POU6F2: variants seen among roughly 807,000 people sequenced by gnomAD.
POU6F2 encodes the protein POU class 6 homeobox 2.
Under a neutral mutation model 71.3 loss-of-function variants are expected in POU6F2, and 31 were observed. The ratio of observed to expected loss-of-function variants is 0.43; its 90% CI spans 0.33 to 0.59. The LOEUF (loss-of-function observed/expected upper bound fraction) is 0.59, where lower values mean the gene tolerates loss of function less well. POU6F2 is among the 20% of genes least tolerant of loss of function. The pLI, the probability that POU6F2 is intolerant of heterozygous loss-of-function variation, is 0.04. For synonymous variants in POU6F2, 347 were observed against 355.7 expected (o/e 0.98, Z 0.27); for missense variants, 783 against 856.8 (o/e 0.91, Z 1.07).
chr7:39,068,183 T>C (rs577446771), intron 1 of POU6F2, among the ~76,000 whole-genome samples: 1 of 152,296 alleles, frequency 6.6e-6, no homozygotes, highest in South Asian at 2.1e-4. Context: ...TAGTTCTTTT[T>C]ATAGCATACA....
chr7:39,076,611 T>C (rs1356611132), intron 1 of POU6F2, among the ~76,000 whole-genome samples: 1 of 152,070 alleles, frequency 6.6e-6, no homozygotes, highest in African/African-American at 2.4e-5. Context: ...ATTGCCAATA[T>C]GCAATATGGG....
intron 4 of POU6F2, among the ~76,000 whole-genome samples, chr7:39,260,829 CACAG>C (rs1359220121): frequency 1.3e-5 from 2 of 151,774 alleles, no homozygotes; most frequent in African/African-American, 4.8e-5. Context: ...TTACACATAC[CACAG>C]ACACACACAA....
chr7:39,156,215 C>T (rs1441873919), intron 2 of POU6F2, among the ~76,000 whole-genome samples: 1 of 152,132 alleles, frequency 6.6e-6, no homozygotes, highest in Non-Finnish European at 1.5e-5. Flanking sequence ...TAGTGGATTA[C>T]AGTATGATCG....
At chr7:39,461,216 A>C (rs1260818841) in intron 9 of POU6F2, among the ~76,000 whole-genome samples, 2 of 152,240 alleles carry the variant, frequency 1.3e-5, no homozygotes, top group African/African-American at 2.4e-5. Context: ...CAGCTTTAAA[A>C]GCACATTTAT....
intron 1 of POU6F2, among the ~76,000 whole-genome samples, chr7:39,065,320 G>C (rs1790734576): frequency 6.6e-6 from 1 of 151,396 alleles, no homozygotes; most frequent in Non-Finnish European, 1.5e-5. Context: ...TCACAGGATG[G>C]GCTATTTATT....
chr7:39,008,383 T>A (rs1488027312), intron 1 of POU6F2, among the ~76,000 whole-genome samples: 1 of 152,178 alleles, frequency 6.6e-6, no homozygotes, highest in Non-Finnish European at 1.5e-5. Context: ...TGTTTTTTCT[T>A]GTAAATTTGT....
In POU6F2 at chr7:39,465,414, G is replaced by A. The variant is rs1454180541; in HGVS notation, c.*728G>A. On this transcript the variant is annotated 3_prime_UTR_variant, in exon 10 of 10. Coordinates refer to ENST00000518318, the MANE Select transcript of POU6F2 (RefSeq NM_001370959.1). Reference sequence around the variant, plus strand: ...GAGGCTCACTATTGGGTTTTTTTGTGGGGGTGGTAGGGAGGGTGGTCTTTT... The same window carrying A: ...GAGGCTCACTATTGGGTTTTTTTGTAGGGGTGGTAGGGAGGGTGGTCTTTT... 6.6e-6 allele frequency: 1 copy of A among 152,122 alleles called. No homozygotes were observed. The highest frequency in any genetic ancestry group is 1.5e-5 in the Non-Finnish European group (1 of 68,046). 9.4% of individuals were successfully genotyped at this position (152,122 alleles called of 1,614,324 possible). A position where few individuals can be genotyped will look rare whatever the true frequency, so the allele number is the denominator to read the frequency against.
intron 4 of POU6F2, among the ~76,000 whole-genome samples, chr7:39,275,640 G>T (rs2128757985): frequency 6.6e-6 from 1 of 152,306 alleles, no homozygotes; most frequent in Middle Eastern, 3.4e-3. Context: ...CGTGCTACCT[G>T]ACTTCAAACT....
chr7:39,016,211 G>T (rs1789544914), intron 1 of POU6F2, among the ~76,000 whole-genome samples: 1 of 139,030 alleles, frequency 7.2e-6, no homozygotes, highest in African/African-American at 2.7e-5. Flanking sequence ...ATGTATATAA[G>T]ATTACCTATA....
chr7:39,325,107 T>C (rs529819926), intron 4 of POU6F2, among the ~76,000 whole-genome samples: 2 of 152,352 alleles, frequency 1.3e-5, no homozygotes, highest in Admixed American at 6.5e-5. Flanking sequence ...CATTTTGCTA[T>C]ACAATTAAAA....
intron 6 of POU6F2, among the ~76,000 whole-genome samples, chr7:39,430,694 G>C (rs539336663): frequency 2.0e-5 from 3 of 152,284 alleles, no homozygotes; most frequent in Admixed American, 1.3e-4. Context: ...GTCATGTGCT[G>C]TGCTCACCCT....
At chr7:39,328,229 T>A (rs556590827) in intron 4 of POU6F2, among the ~76,000 whole-genome samples, 2 of 152,344 alleles carry the variant, frequency 1.3e-5, no homozygotes, top group South Asian at 4.1e-4. Flanking sequence ...GAATCGGGTT[T>A]CTTTAATGCT....
rs868732549 is a variant in POU6F2, at chr7:39,232,011, A to G, written c.598+24391A>G. 2.6e-5 allele frequency among the ~76,000 whole-genome samples: 4 copies of G among 152,188 alleles called. 1 individual carries two copies. Among genetic ancestry groups the G allele is most frequent in the South Asian group, 4.1e-4 (2 of 4,838 alleles). ...ATAAGCCATTTCAAAACAAGTACAA[A>G]TTATTTTCAAGAAACAGTTGTAAAA... On this transcript the variant is annotated intron_variant, in intron 4 of 9. Transcript: ENST00000518318.
At chr7:39,249,020 A>G (rs997356326) in intron 4 of POU6F2, among the ~76,000 whole-genome samples, 1 of 152,156 alleles carries the variant, frequency 6.6e-6, no homozygotes, top group Non-Finnish European at 1.5e-5. Flanking sequence ...ATTTTAGCCC[A>G]TGAATTTTTT....
chr7:39,092,231 C>G lies in POU6F2; in HGVS notation c.277+6200C>G, dbSNP rs550166755. ...GGTTAATAAATTTTTAAAAAATATC[C>G]AAAGGCAGAGGTAGCTAGAGAAAGC... On this transcript the variant is annotated intron_variant, in intron 2 of 9. Coordinates refer to ENST00000518318, the MANE Select transcript of POU6F2 (RefSeq NM_001370959.1). Among the ~76,000 whole-genome samples, 5 of 152,190 alleles carry G rather than the reference C, an allele frequency of 3.3e-5. No homozygotes were observed. The South Asian group carries it at 8.3e-4, about 25-fold the overall frequency.
chr7:39,147,047 A>G (rs1247296329), intron 2 of POU6F2, among the ~76,000 whole-genome samples: 3 of 152,218 alleles, frequency 2.0e-5, no homozygotes, highest in African/African-American at 7.2e-5. Flanking sequence ...TTGCATATAC[A>G]CATAGAAAAA....
chr7:39,183,177 T>G (rs1243297592), intron 2 of POU6F2, among the ~76,000 whole-genome samples: 1 of 152,206 alleles, frequency 6.6e-6, no homozygotes, highest in Non-Finnish European at 1.5e-5. Flanking sequence ...GGATCTAGGC[T>G]GTGCACTCCT....
intron 1 of POU6F2, among the ~76,000 whole-genome samples, chr7:39,066,495 A>T (rs919626990): frequency 6.6e-6 from 1 of 151,824 alleles, no homozygotes; most frequent in East Asian, 1.9e-4. Flanking sequence ...TAGCTTTTCT[A>T]TATAAGAGCA....
chr7:39,088,346 C>T (rs73373264), intron 2 of POU6F2, among the ~76,000 whole-genome samples: 5,790 of 152,220 alleles, frequency 0.038, 354 homozygotes, highest in African/African-American at 0.13. Context: ...TGGGACTTGG[C>T]CTTAGCAATT....
Sources: allele counts gnomAD v4.1 joint callset (sites outside exome capture counted in the v4.1 genomes callset), GRCh38; gene constraint gnomAD v4.1.1; transcripts MANE v1.5; gene names NCBI Gene and HGNC (gene_info 2026-07-23, HGNC 2026-07-21).